Variants in SETBP1 observed in about 807,000 individuals in gnomAD.
SETBP1 encodes the protein SET-binding protein.
SETBP1 carries 9 observed loss-of-function variants against 101.0 expected under a neutral mutation model. The ratio of observed to expected loss-of-function variants is 0.09; its 90% CI spans 0.05 to 0.16. The LOEUF is 0.16. Among genes scored for constraint, SETBP1 ranks in the 10% least tolerant of loss-of-function variants. The pLI, the probability that SETBP1 is intolerant of heterozygous loss-of-function variation, is 1.00. For synonymous variants in SETBP1, 818 were observed against 788.5 expected (o/e 1.04, Z -0.63); for missense variants, 1,858 against 2,033.8 (o/e 0.91, Z 1.66).
At chr18:44,972,159 C>T (rs1236647811) in intron 4 of SETBP1, among the ~76,000 whole-genome samples, 1 of 152,154 alleles carries the variant, frequency 6.6e-6, no homozygotes, top group African/African-American at 2.4e-5. Flanking sequence ...TTATTTTTGT[C>T]AGGTTTGTCA....
rs1459117925 is a variant in SETBP1, at chr18:44,877,032, G to A, written c.540+7749G>A. 2.7e-5 allele frequency: 31 copies of A among 1,131,666 alleles called. No homozygotes were observed. The East Asian group carries it at 9.4e-4, about 34-fold the overall frequency. 70.1% of individuals were successfully genotyped at this position (1,131,666 alleles called of 1,614,324 possible). On this transcript the variant is annotated intron_variant, in intron 3 of 5. Coordinates refer to ENST00000649279, the MANE Select transcript of SETBP1 (RefSeq NM_015559.3). ...ATCCCATGAGTTTGCTTGCTCAGACGATCACTTAGGAAACACATGCCTTTA... is the reference window on the plus strand; with the variant it reads ...ATCCCATGAGTTTGCTTGCTCAGACAATCACTTAGGAAACACATGCCTTTA...
chr18:44,741,810 C>T (rs538091913), intron 2 of SETBP1, among the ~76,000 whole-genome samples: 8 of 152,320 alleles, frequency 5.3e-5, no homozygotes, highest in East Asian at 3.9e-4. Context: ...CCACCCCTGA[C>T]GCTTCCTATT....
chr18:44,913,236 C>A (rs572759084), intron 3 of SETBP1, among the ~76,000 whole-genome samples: 18 of 152,334 alleles, frequency 1.2e-4, no homozygotes, highest in Middle Eastern at 3.4e-3. Flanking sequence ...AAGTCTCGGG[C>A]AAGACAGAAG....
intron 4 of SETBP1, among the ~76,000 whole-genome samples, chr18:45,013,412 C>CTCTT (rs113573331): frequency 1.8e-4 from 27 of 151,608 alleles, no homozygotes; most frequent in Non-Finnish European, 2.4e-4. Context: ...CTGTTTCTGA[C>CTCTT]TCTTTCTTTC....
At chr18:44,868,401 G>T (rs879755916) in intron 2 of SETBP1, among the ~76,000 whole-genome samples, 1 of 151,738 alleles carries the variant, frequency 6.6e-6, no homozygotes, top group Non-Finnish European at 1.5e-5. Flanking sequence ...GTTTAAAAAA[G>T]AAAGAAAAAA....
intron 4 of SETBP1, among the ~76,000 whole-genome samples, chr18:45,010,125 C>A (rs1394514810): frequency 1.3e-5 from 2 of 152,198 alleles, no homozygotes; most frequent in Non-Finnish European, 2.9e-5. Context: ...ACTGCAGGCC[C>A]CATCTCCATC....
intron 2 of SETBP1, among the ~76,000 whole-genome samples, chr18:44,768,692 C>T (rs1362671639): frequency 6.6e-6 from 1 of 152,100 alleles, no homozygotes; most frequent in Non-Finnish European, 1.5e-5. Flanking sequence ...CCATATCAGA[C>T]AATGAATTAC....
intron 4 of SETBP1, among the ~76,000 whole-genome samples, chr18:44,966,329 A>G (rs1191985157): frequency 1.3e-5 from 2 of 152,116 alleles, no homozygotes; most frequent in African/African-American, 4.8e-5. Context: ...TGTCATAGTG[A>G]GCCCCTTACC....
chr18:44,907,162 C>T (rs2070194518), intron 3 of SETBP1, among the ~76,000 whole-genome samples: 1 of 152,164 alleles, frequency 6.6e-6, no homozygotes, highest in Non-Finnish European at 1.5e-5. Context: ...AAGGTTTAGC[C>T]ATGCTGTAGG....
At chr18:45,032,660 C>T (rs1568040074) in intron 4 of SETBP1, among the ~76,000 whole-genome samples, 1 of 152,138 alleles carries the variant, frequency 6.6e-6, no homozygotes, top group Non-Finnish European at 1.5e-5. Context: ...TAAAATCCAT[C>T]CTGTGTTCCT....
intron 4 of SETBP1, among the ~76,000 whole-genome samples, chr18:44,995,317 A>G (rs1434886228): frequency 6.6e-6 from 1 of 151,556 alleles, no homozygotes; most frequent in African/African-American, 2.4e-5. Context: ...AATTTTTTGT[A>G]TTTTTAGTAG....
At chr18:44,725,724 G>A (rs1227715726) in intron 2 of SETBP1, among the ~76,000 whole-genome samples, 2 of 151,986 alleles carry the variant, frequency 1.3e-5, no homozygotes, top group South Asian at 2.1e-4. Context: ...CCTCCCCCTC[G>A]GCCCCCTGAC....
At chr18:45,034,072 A>G (rs2073348830) in intron 4 of SETBP1, among the ~76,000 whole-genome samples, 1 of 152,212 alleles carries the variant, frequency 6.6e-6, no homozygotes, top group Admixed American at 6.5e-5. Context: ...TGCAGAGCTC[A>G]TTAAAGGGAT....
intron 3 of SETBP1, among the ~76,000 whole-genome samples, chr18:44,896,719 A>C (rs2069911706): frequency 1.3e-5 from 2 of 152,130 alleles, no homozygotes; most frequent in South Asian, 4.2e-4. Context: ...CGGCCTCCCA[A>C]AGTGCTGGGA....
At chr18:44,953,456 A>G (rs1162072943) in intron 4 of SETBP1, 116 bp downstream of exon 4, 1 of 888,912 alleles carries the variant, frequency 1.1e-6, no homozygotes, top group African/African-American at 1.6e-5. Context: ...TGGGAATCAA[A>G]TTAAAATGGG....
At chr18:44,971,861 G>T (rs1311052083) in intron 4 of SETBP1, among the ~76,000 whole-genome samples, 1 of 152,090 alleles carries the variant, frequency 6.6e-6, no homozygotes, top group Non-Finnish European at 1.5e-5. Flanking sequence ...CTTTTGCTGT[G>T]CAGAAGCTCT....
intron 3 of SETBP1, among the ~76,000 whole-genome samples, chr18:44,937,210 T>C (rs113500113): frequency 0.019 from 2,879 of 151,992 alleles, 47 homozygotes; most frequent in Non-Finnish European, 0.027. Flanking sequence ...CCCAGCACTT[T>C]GGGAGGCCGA....
intron 3 of SETBP1, among the ~76,000 whole-genome samples, chr18:44,880,508 T>C (rs1237084744): frequency 1.3e-5 from 2 of 152,220 alleles, no homozygotes; most frequent in African/African-American, 4.8e-5. Flanking sequence ...GCTGTTCTTG[T>C]ATCGTTATAA....
At chr18:44,758,556 G>A (rs1231084300) in intron 2 of SETBP1, among the ~76,000 whole-genome samples, 2 of 151,824 alleles carry the variant, frequency 1.3e-5, no homozygotes, top group African/African-American at 2.4e-5. Context: ...CTAATTTTTT[G>A]TATTTTTAGT....
Sources: allele counts gnomAD v4.1 joint callset (sites outside exome capture counted in the v4.1 genomes callset), GRCh38; gene constraint gnomAD v4.1.1; transcripts MANE v1.5; gene names NCBI Gene and HGNC (gene_info 2026-07-23, HGNC 2026-07-21).